CADM1: variants seen among roughly 807,000 people sequenced by gnomAD.
CADM1 encodes cell adhesion molecule 1.
A neutral mutation model predicts 53.1 loss-of-function variants in CADM1; 15 were observed. The observed-to-expected ratio is 0.28, with a 90% confidence interval of 0.19 to 0.44. The LOEUF (loss-of-function observed/expected upper bound fraction) is 0.44. Among genes scored for constraint, CADM1 ranks in the 20% least tolerant of loss-of-function variants. The pLI is 1.00. For synonymous variants in CADM1, 281 were observed against 243.0 expected (o/e 1.16, Z -1.45); for missense variants, 434 against 611.3 (o/e 0.71, Z 3.06).
intron 1 of CADM1, among the ~76,000 whole-genome samples, chr11:115,343,136 C>T (rs570868673): frequency 5.3e-5 from 8 of 152,236 alleles, no homozygotes; most frequent in African/African-American, 1.9e-4. Flanking sequence ...TGCATTATCT[C>T]ACTGAGTTCT....
At chr11:115,267,731 A>G (rs907792918) in intron 1 of CADM1, among the ~76,000 whole-genome samples, 1 of 135,656 alleles carries the variant, frequency 7.4e-6, no homozygotes. Flanking sequence ...AAGTCTCTTT[A>G]CTGAAGAAAC....
intron 1 of CADM1, among the ~76,000 whole-genome samples, chr11:115,295,511 TATATATATATA>T (rs1944031685): frequency 3.6e-5 from 1 of 28,058 alleles, no homozygotes; most frequent in Non-Finnish European, 5.5e-5. Context: ...ATATTTTATA[TATATATATATA>T]TATATATATA....
chr11:115,227,524 A>G (rs1591623572), intron 5 of CADM1, among the ~76,000 whole-genome samples: 1 of 152,194 alleles, frequency 6.6e-6, no homozygotes, highest in East Asian at 1.9e-4. Flanking sequence ...CCTACAAGGA[A>G]AGTTAATGGA....
intron 1 of CADM1, among the ~76,000 whole-genome samples, chr11:115,270,944 C>G (rs558018921): frequency 6.6e-6 from 1 of 152,198 alleles, no homozygotes; most frequent in African/African-American, 2.4e-5. Flanking sequence ...TATTCATTAG[C>G]AGTATGAAAA....
chr11:115,431,437 C>T (rs958092450), intron 1 of CADM1, among the ~76,000 whole-genome samples: 1 of 152,114 alleles, frequency 6.6e-6, no homozygotes, highest in African/African-American at 2.4e-5. Flanking sequence ...GTTCTTTGTA[C>T]CTGTCTGCAG....
At chr11:115,492,669 A>G (rs1278360902) in intron 1 of CADM1, among the ~76,000 whole-genome samples, 1 of 152,094 alleles carries the variant, frequency 6.6e-6, no homozygotes, top group East Asian at 1.9e-4. Flanking sequence ...TTCCAAAACT[A>G]TTTTGTACTA....
At chr11:115,305,458 T>G (rs1050671173) in intron 1 of CADM1, among the ~76,000 whole-genome samples, 2 of 152,012 alleles carry the variant, frequency 1.3e-5, no homozygotes, top group African/African-American at 2.4e-5. Context: ...AGTCAGTTTT[T>G]GCTTTTTTGT....
intron 1 of CADM1, among the ~76,000 whole-genome samples, chr11:115,271,934 G>T (rs1203414010): frequency 6.6e-6 from 1 of 152,134 alleles, no homozygotes; most frequent in African/African-American, 2.4e-5. Flanking sequence ...TATACCACCT[G>T]TCCCAGACTA....
intron 1 of CADM1, among the ~76,000 whole-genome samples, chr11:115,479,920 C>T (rs906310923): frequency 6.6e-6 from 1 of 152,156 alleles, no homozygotes; most frequent in African/African-American, 2.4e-5. Context: ...ATCATCAATT[C>T]TCAACAGACA....
chr11:115,260,333 C>CT (rs1001921433), intron 1 of CADM1, among the ~76,000 whole-genome samples: 1 of 152,224 alleles, frequency 6.6e-6, no homozygotes, highest in African/African-American at 2.4e-5. Flanking sequence ...GCTCAACACT[C>CT]TAAGAAATGG....
chr11:115,477,154 A>G lies in CADM1; in HGVS notation c.124+27117T>C, dbSNP rs902530339. Among the ~76,000 whole-genome samples the G allele has an allele frequency of 3.3e-5, 5 of 151,496 alleles. No homozygotes were observed. The East Asian group carries it at 7.7e-4, about 23-fold the overall frequency. ...ATATAGTGGATAGGTTTGGATTGAT[A>G]GGAAAGGGAAAGGAAAGGAAATATG... is the stretch of plus-strand genomic sequence containing the variant. On this transcript the variant is annotated intron_variant, in intron 1 of 11. Coordinates refer to ENST00000331581, the MANE Select transcript of CADM1 (RefSeq NM_001301043.2).
chr11:115,301,228 A>G (rs1485569231), intron 1 of CADM1, among the ~76,000 whole-genome samples: 7 of 151,790 alleles, frequency 4.6e-5, no homozygotes, highest in African/African-American at 1.5e-4. Flanking sequence ...AAAGGGTTCT[A>G]TTTTTTTTCA....
At chr11:115,425,912 T>C (rs220864) in intron 1 of CADM1, among the ~76,000 whole-genome samples, 127,777 of 152,184 alleles carry the variant, frequency 0.84, 53,927 homozygotes, top group African/African-American at 0.92. Context: ...CCTTCACCTG[T>C]GGGCTTCAAA....
At chr11:115,320,398 T>G (rs974246953) in intron 1 of CADM1, among the ~76,000 whole-genome samples, 1 of 152,180 alleles carries the variant, frequency 6.6e-6, no homozygotes, top group Non-Finnish European at 1.5e-5. Flanking sequence ...AATCTAGTTC[T>G]ATAAAGAAAT....
At chr11:115,453,234 G>C (rs960826098) in intron 1 of CADM1, among the ~76,000 whole-genome samples, 1 of 152,036 alleles carries the variant, frequency 6.6e-6, no homozygotes, top group African/African-American at 2.4e-5. Context: ...AAAATTAGTC[G>C]GGTGTGGTGG....
At position 115,217,943 on chromosome 11, in the gene CADM1, G is replaced by A; in HGVS notation, c.770C>T (p.Thr257Ile). 1.9e-6 allele frequency: 3 copies of A among 1,613,650 alleles called. No individual in the cohort carries two copies. Among genetic ancestry groups the A allele is most frequent in the Non-Finnish European group, 2.5e-6 (3 of 1,179,682 alleles). Reference sequence around the variant, plus strand: ...TAACTCAAGCGCGTCCCCTTCCCGGGTTAAGCCTTGTAGAGGATAAGTCAT... The same window carrying A: ...TAACTCAAGCGCGTCCCCTTCCCGGATTAAGCCTTGTAGAGGATAAGTCAT... ...IQMTYPLQGL[T>I]REGDALELTC... The change falls in exon 6 of 12, where the codon ACC (threonine) becomes ATC (isoleucine). Residue 257 changes from threonine to isoleucine, a missense_variant. By Grantham distance (89) the Thr-to-Ile change is moderately conservative (BLOSUM62 -1). Coordinates refer to ENST00000331581, the MANE Select transcript of CADM1 (RefSeq NM_001301043.2).
chr11:115,275,471 T>C (rs954168966), intron 1 of CADM1, among the ~76,000 whole-genome samples: 8 of 152,220 alleles, frequency 5.3e-5, no homozygotes, highest in Middle Eastern at 3.4e-3. Context: ...ATCTATGAAA[T>C]AGAGAGAAAA....
rs367770558 is a variant in CADM1, at chr11:115,460,602, C to T, written c.124+43669G>A. 1.1e-4 allele frequency among the ~76,000 whole-genome samples: 16 copies of T among 152,166 alleles called. 1 individual carries two copies. The East Asian group carries it at 1.7e-3, about 16-fold the overall frequency. On this transcript the variant is annotated intron_variant, in intron 1 of 11. Coordinates refer to ENST00000331581, the MANE Select transcript of CADM1 (RefSeq NM_001301043.2). Reference sequence around the variant, plus strand: ...ATAATGGAACTAGAAATGATAATAACAGCCCTAATAATAACAAAAGTTATT... The same window carrying T: ...ATAATGGAACTAGAAATGATAATAATAGCCCTAATAATAACAAAAGTTATT...
chr11:115,352,406 G>A (rs1379638620), intron 1 of CADM1, among the ~76,000 whole-genome samples: 1 of 152,158 alleles, frequency 6.6e-6, no homozygotes, highest in Non-Finnish European at 1.5e-5. Flanking sequence ...ACCAATGCAT[G>A]GCTTACATGG....
Sources: allele counts gnomAD v4.1 joint callset (sites outside exome capture counted in the v4.1 genomes callset), GRCh38; gene constraint gnomAD v4.1.1; transcripts MANE v1.5; gene names NCBI Gene and HGNC (gene_info 2026-07-23, HGNC 2026-07-21).